The following LUZP2 variants were observed in gnomAD, a reference collection of about 807,000 sequenced individuals.
LUZP2 encodes the protein leucine zipper protein 2.
In LUZP2, 52 loss-of-function variants were observed where a neutral mutation model predicts 51.6. The ratio of observed to expected loss-of-function variants is 1.01; its 90% confidence interval spans 0.81 to 1.27. The LOEUF is 1.27. Ranked by LOEUF, LUZP2 falls within the 50% of genes most tolerant of loss-of-function variation. The probability of loss-of-function intolerance (pLI) is 0.00; values close to 1 mark genes in which losing one functional copy is unlikely to be tolerated. For synonymous variants in LUZP2, 154 were observed against 137.3 expected (o/e 1.12, Z -0.85); for missense variants, 436 against 395.4 (o/e 1.10, Z -0.87).
At chr11:24,892,363 G>A in intron 5 of LUZP2, 1 of 985,256 alleles carries the variant, frequency 1.0e-6, no homozygotes, top group Non-Finnish European at 1.2e-6. Flanking sequence ...TGGAGTAGAT[G>A]ACCTAAAAGT....
intron 5 of LUZP2, chr11:24,891,153 A>G (rs1335934501): frequency 6.1e-6 from 6 of 983,916 alleles, no homozygotes; most frequent in East Asian, 1.1e-4. Flanking sequence ...AAAATTGACA[A>G]AAGTCTACTT....
At chr11:24,977,915 C>T (rs188255452) in intron 8 of LUZP2, among the ~76,000 whole-genome samples, 2 of 150,620 alleles carry the variant, frequency 1.3e-5, no homozygotes, top group African/African-American at 4.9e-5. Context: ...AAAGGAAATA[C>T]TCTGATGTCA....
chr11:24,532,925 TAC>T (rs1250288458), intron 1 of LUZP2, among the ~76,000 whole-genome samples: 4 of 151,188 alleles, frequency 2.6e-5, no homozygotes, highest in African/African-American at 9.7e-5. Context: ...TAAATCTTAA[TAC>T]AGTCTTAATT....
intron 5 of LUZP2, among the ~76,000 whole-genome samples, chr11:24,872,504 C>G (rs1275338300): frequency 6.6e-6 from 1 of 152,050 alleles, no homozygotes; most frequent in African/African-American, 2.4e-5. Flanking sequence ...AATTAAAGAG[C>G]ATATTTAAAA....
intron 1 of LUZP2, chr11:24,646,674 C>A: frequency 1.2e-6 from 1 of 814,212 alleles, no homozygotes; most frequent in Non-Finnish European, 1.5e-6. Flanking sequence ...CCCACAACTC[C>A]CCAAAAGACT....
chr11:24,864,556 G>T (rs1851831218), intron 5 of LUZP2, among the ~76,000 whole-genome samples: 2 of 152,156 alleles, frequency 1.3e-5, no homozygotes. Flanking sequence ...CTGGCTTTCT[G>T]TGTGGTGACT....
chr11:24,957,450 G>T (rs1250616012), intron 7 of LUZP2, among the ~76,000 whole-genome samples: 1 of 151,550 alleles, frequency 6.6e-6, no homozygotes, highest in Non-Finnish European at 1.5e-5. Flanking sequence ...AGACCTCCAA[G>T]AAAAAAAATC....
chr11:25,012,395 T>C (rs1041296237), intron 9 of LUZP2, among the ~76,000 whole-genome samples: 3 of 152,148 alleles, frequency 2.0e-5, no homozygotes, highest in Non-Finnish European at 4.4e-5. Context: ...CCAAACCCAT[T>C]AGACATTGTA....
chr11:24,506,311 C>A (rs1021252264), intron 1 of LUZP2, among the ~76,000 whole-genome samples: 7 of 151,844 alleles, frequency 4.6e-5, no homozygotes, highest in African/African-American at 1.5e-4. Context: ...TTATTTCTGG[C>A]CTTTGAAGTA....
At chr11:24,625,677 ATTCGTTTGAAAAAT>A (rs1225213466) in intron 1 of LUZP2, among the ~76,000 whole-genome samples, 1 of 151,980 alleles carries the variant, frequency 6.6e-6, no homozygotes, top group Non-Finnish European at 1.5e-5. Context: ...TTTAAGAAAT[ATTCGTTTGAAAAAT>A]GACTGTATTA....
rs537248814 is a variant in LUZP2, at chr11:24,896,395, G to A, written c.397-9596G>A. On this transcript the variant is annotated intron_variant, in intron 5 of 11. Transcript: ENST00000336930. ...CCACACTTGGAGCAGCCAGCCGGCC[G>A]GCGATGCCAGCTCCAGGCAGTGAGG... Among the ~76,000 whole-genome samples the A allele has an allele frequency of 4.2e-3, 647 of 152,276 alleles. 2 individuals carry two copies. Among genetic ancestry groups the A allele is most frequent in the African/African-American group, 0.011 (470 of 41,580 alleles).
intron 1 of LUZP2, among the ~76,000 whole-genome samples, chr11:24,633,715 T>C (rs1854969972): frequency 1.3e-5 from 2 of 151,936 alleles, no homozygotes; most frequent in African/African-American, 4.8e-5. Context: ...TTAAGTATGA[T>C]GTTTTCTATC....
At chr11:24,711,250 C>T (rs574947359) in intron 1 of LUZP2, among the ~76,000 whole-genome samples, 5 of 149,910 alleles carry the variant, frequency 3.3e-5, no homozygotes, top group South Asian at 4.2e-4. Context: ...GAGATCGAGA[C>T]CATCCTGGCT....
intron 1 of LUZP2, among the ~76,000 whole-genome samples, chr11:24,687,629 CTTAT>C (rs967972836): frequency 3.3e-5 from 5 of 152,108 alleles, no homozygotes; most frequent in African/African-American, 1.2e-4. Flanking sequence ...AAAGGCAGAA[CTTAT>C]TTGCAAACTT....
intron 1 of LUZP2, among the ~76,000 whole-genome samples, chr11:24,695,422 C>T (rs892088765): frequency 6.6e-6 from 1 of 151,958 alleles, no homozygotes; most frequent in African/African-American, 2.4e-5. Flanking sequence ...AATTATGGTA[C>T]TCAGCATATC....
intron 5 of LUZP2, among the ~76,000 whole-genome samples, chr11:24,788,180 A>ATTTTTTT (rs61308017): frequency 6.0e-5 from 5 of 83,394 alleles, no homozygotes; most frequent in African/African-American, 2.2e-4. Flanking sequence ...TTTGTTTTTA[A>ATTTTTTT]TTTTTTTTTT....
intron 1 of LUZP2, among the ~76,000 whole-genome samples, chr11:24,497,777 T>G (rs1849872386): frequency 6.6e-6 from 1 of 152,206 alleles, no homozygotes; most frequent in Non-Finnish European, 1.5e-5. Context: ...TGGAAGATGC[T>G]AAGACTTGTA....
In LUZP2 at chr11:24,914,467, G is replaced by A; in HGVS notation, c.460-9G>A. ...AGTTACACAACTTATCCATGTTTTTGCCTTACAGTCAAAAAAAATCCAAGC... is the reference window on the plus strand; with the variant it reads ...AGTTACACAACTTATCCATGTTTTTACCTTACAGTCAAAAAAAATCCAAGC... On this transcript the variant is annotated splice_polypyrimidine_tract_variant and intron_variant, in intron 6 of 11. Transcript: ENST00000336930. 2 of 1,596,476 alleles carry A rather than the reference G, an allele frequency of 1.3e-6. No homozygotes were observed. The highest frequency in any genetic ancestry group is 8.6e-7 in the Non-Finnish European group (1 of 1,169,262).
intron 1 of LUZP2, among the ~76,000 whole-genome samples, chr11:24,649,976 G>GAGACACAC (rs1554968028): frequency 6.1e-5 from 9 of 147,000 alleles, no homozygotes; most frequent in East Asian, 2.0e-4. Context: ...TACACACAGA[G>GAGACACAC]ACACACACAC....
Sources: allele counts gnomAD v4.1 joint callset (sites outside exome capture counted in the v4.1 genomes callset), GRCh38; gene constraint gnomAD v4.1.1; transcripts MANE v1.5; gene names NCBI Gene and HGNC (gene_info 2026-07-23, HGNC 2026-07-21).